The following POTEG variants were observed in gnomAD, a reference collection of about 807,000 sequenced individuals.
POTEG encodes ANKRD26-like family C member 2.
In POTEG, 2 loss-of-function variants were observed where a neutral mutation model predicts 49.6. The observed-to-expected ratio is 0.04, with a 90% CI of 0.02 to 0.13. The LOEUF is 0.13. Ranked by LOEUF, POTEG falls within the 10% of genes least tolerant of loss-of-function variation. POTEG has a pLI of 1.00. For synonymous variants in POTEG, 7 were observed against 186.6 expected, an observed-to-expected ratio of 0.04 and a Z score of 7.84; for missense variants, 26 against 545.2, an observed-to-expected ratio of 0.05 and a Z score of 9.48.
chr14:19,415,496 G>C (rs1594273485), intron 7 of POTEG, among the ~76,000 whole-genome samples: 1 of 147,738 alleles, frequency 6.8e-6, no homozygotes, highest in African/African-American at 2.4e-5. Context: ...CTTTAACCAT[G>C]AATCCAGCTC....
At chr14:19,431,034 C>T (rs1884115433) in intron 1 of POTEG, among the ~76,000 whole-genome samples, 1 of 151,746 alleles carries the variant, frequency 6.6e-6, no homozygotes, top group African/African-American at 2.4e-5. Flanking sequence ...ATGCAAGAAG[C>T]ATATTCCTTC....
chr14:19,415,829 A>ATATTC (rs1491555758), intron 7 of POTEG, among the ~76,000 whole-genome samples: 4 of 96,702 alleles, frequency 4.1e-5, no homozygotes, highest in Non-Finnish European at 2.0e-5. Flanking sequence ...ATCTATTAAA[A>ATATTC]TTTTTTTTTT....
chr14:19,432,366 G>GTGTATATA (rs1555310346), intron 1 of POTEG, among the ~76,000 whole-genome samples: 1 of 37,898 alleles, frequency 2.6e-5, no homozygotes, highest in African/African-American at 1.2e-4. Flanking sequence ...AAGAAATTTT[G>GTGTATATA]TATATATATA....
chr14:19,415,989 T>G (rs1314538580), intron 7 of POTEG, among the ~76,000 whole-genome samples: 2 of 149,494 alleles, frequency 1.3e-5, no homozygotes, highest in African/African-American at 4.9e-5. Flanking sequence ...AGACTACAGG[T>G]GCCCACCACC....
At chr14:19,415,431 T>A (rs1883515746) in intron 7 of POTEG, among the ~76,000 whole-genome samples, 1 of 145,534 alleles carries the variant, frequency 6.9e-6, no homozygotes, top group Non-Finnish European at 1.6e-5. Context: ...ACAACCTTAG[T>A]ATCAGTGACT....
At chr14:19,414,920 C>T (rs2818575) in intron 7 of POTEG, among the ~76,000 whole-genome samples, 107,573 of 123,284 alleles carry the variant, frequency 0.87, 46,265 homozygotes, top group South Asian at 0.91. Flanking sequence ...CTAAACTTAA[C>T]TTGTTATGTG....
chr14:19,415,829 A>ATATTCTTTTTTTTTTTTTT (rs1491555758), intron 7 of POTEG, among the ~76,000 whole-genome samples: 3 of 96,704 alleles, frequency 3.1e-5, no homozygotes, highest in African/African-American at 9.1e-5. Context: ...ATCTATTAAA[A>ATATTCTTTTTTTTTTTTTT]TTTTTTTTTT....
intron 1 of POTEG, among the ~76,000 whole-genome samples, chr14:19,432,615 A>G (rs1246300385): frequency 2.5e-4 from 18 of 73,392 alleles, no homozygotes; most frequent in African/African-American, 1.0e-3. Context: ...TCCAAAAATG[A>G]ATTATGAACA....
chr14:19,432,430 A>G (rs1884189513), intron 1 of POTEG, among the ~76,000 whole-genome samples: 1 of 66,096 alleles, frequency 1.5e-5, no homozygotes, highest in Non-Finnish European at 3.2e-5. Context: ...ATATGTATAT[A>G]CGTATATATA....
At chr14:19,432,423 T>C (rs1218556372) in intron 1 of POTEG, among the ~76,000 whole-genome samples, 3 of 85,860 alleles carry the variant, frequency 3.5e-5, no homozygotes, top group Non-Finnish European at 4.9e-5. Flanking sequence ...TGTATATATA[T>C]GTATATACGT....
intron 7 of POTEG, among the ~76,000 whole-genome samples, chr14:19,415,828 A>ATTTTTT (rs1883535997): frequency 6.0e-5 from 8 of 132,876 alleles, no homozygotes; most frequent in East Asian, 2.2e-4. Context: ...AATCTATTAA[A>ATTTTTT]ATTTTTTTTT....
At chr14:19,432,412 A>ACC (rs1491152115) in intron 1 of POTEG, among the ~76,000 whole-genome samples, 1 of 90,382 alleles carries the variant, frequency 1.1e-5, no homozygotes, top group Non-Finnish European at 2.3e-5. Context: ...ATACACACAC[A>ACC]TGTATATATA....
At chr14:19,413,203 CTG>C in intron 9 of POTEG, 149 bp downstream of exon 9, 2 of 298,046 alleles carry the variant, frequency 6.7e-6, no homozygotes, top group Non-Finnish European at 1.1e-5. Context: ...AAATTAATGA[CTG>C]GAAAAAATGG....
intron 7 of POTEG, among the ~76,000 whole-genome samples, chr14:19,415,387 C>G (rs1489290252): frequency 1.4e-5 from 2 of 144,944 alleles, no homozygotes; most frequent in African/African-American, 2.5e-5. Flanking sequence ...CTGGTTCCCT[C>G]CCTGAACAGA....
intron 5 of POTEG, among the ~76,000 whole-genome samples, chr14:19,422,062 TTGC>T (rs1883798243): frequency 1.8e-5 from 1 of 54,688 alleles, no homozygotes; most frequent in African/African-American, 5.9e-5. Flanking sequence ...AGTGAGGACT[TTGC>T]TGCCTTATTT....
At chr14:19,425,272 A>C (rs1460679294) in intron 4 of POTEG, among the ~76,000 whole-genome samples, 7 of 48,606 alleles carry the variant, frequency 1.4e-4, no homozygotes, top group Non-Finnish European at 4.9e-5. Flanking sequence ...ACACAGGTTA[A>C]AAACTATTAG....
intron 1 of POTEG, among the ~76,000 whole-genome samples, 180 bp downstream of exon 1, chr14:19,433,589 T>A (rs1884248502): frequency 7.3e-6 from 1 of 137,100 alleles, no homozygotes; most frequent in Non-Finnish European, 1.6e-5. Context: ...CAGCTAAAGT[T>A]TTGTTTTTGT....
chr14:19,426,885 T>A (rs745730956), intron 3 of POTEG: 1 of 411,896 alleles, frequency 2.4e-6, no homozygotes, highest in Non-Finnish European at 4.7e-6. Flanking sequence ...AAAAAACAAC[T>A]GAGGTTGAGG....
intron 7 of POTEG, among the ~76,000 whole-genome samples, chr14:19,415,496 G>T (rs1594273485): frequency 6.8e-6 from 1 of 147,738 alleles, no homozygotes; most frequent in Non-Finnish European, 1.5e-5. Flanking sequence ...CTTTAACCAT[G>T]AATCCAGCTC....
Sources: gnomAD v4.1 joint callset for allele counts (sites outside exome capture counted in the v4.1 genomes callset) on GRCh38, gnomAD v4.1.1 for gene constraint, MANE v1.5 for transcripts, NCBI Gene and HGNC (gene_info 2026-07-23, HGNC 2026-07-21) for gene names.